The following GRIN2A variants were observed in gnomAD, a reference collection of about 807,000 sequenced individuals.
GRIN2A encodes glutamate ionotropic receptor NMDA type subunit 2A.
A neutral mutation model predicts 113.4 loss-of-function variants in GRIN2A; 22 were observed. That is an observed-to-expected ratio of 0.19 (90% CI 0.14 to 0.28). The LOEUF (loss-of-function observed/expected upper bound fraction) is 0.28. Among genes scored for constraint, GRIN2A ranks in the 10% least tolerant of loss-of-function variants. The pLI, the probability that GRIN2A is intolerant of heterozygous loss-of-function variation, is 1.00. For synonymous variants in GRIN2A, 827 were observed against 738.4 expected, an observed-to-expected ratio of 1.12 and a Z score of -1.94; for missense variants, 1,502 against 1,887.0, an observed-to-expected ratio of 0.80 and a Z score of 3.78.
intron 2 of GRIN2A, among the ~76,000 whole-genome samples, chr16:10,159,559 T>A (rs1410380455): frequency 1.3e-5 from 2 of 152,134 alleles, no homozygotes; most frequent in Non-Finnish European, 2.9e-5. Context: ...TCATCATCAA[T>A]GAGGCTGGAG....
chr16:9,814,012 T>A (rs2042139963), intron 10 of GRIN2A, among the ~76,000 whole-genome samples: 1 of 152,206 alleles, frequency 6.6e-6, no homozygotes, highest in Non-Finnish European at 1.5e-5. Flanking sequence ...AAATTTGCTC[T>A]GCAGAGCAAC....
At chr16:10,102,054 G>A (rs546498837) in intron 2 of GRIN2A, among the ~76,000 whole-genome samples, 2 of 152,310 alleles carry the variant, frequency 1.3e-5, no homozygotes, top group South Asian at 4.1e-4. Context: ...TACAGAATCA[G>A]CTCATCTAAT....
chr16:9,839,228 T>C (rs2042632397), intron 7 of GRIN2A, among the ~76,000 whole-genome samples: 3 of 152,166 alleles, frequency 2.0e-5, no homozygotes, highest in Admixed American at 6.5e-5. Flanking sequence ...TCATTTATGA[T>C]AACCAAACAG....
At chr16:10,055,103 A>G (rs1335722244) in intron 2 of GRIN2A, among the ~76,000 whole-genome samples, 27 of 86,694 alleles carry the variant, frequency 3.1e-4, no homozygotes, top group Non-Finnish European at 5.3e-4. Flanking sequence ...GAAAGAAAGA[A>G]AGAAAAAAGA....
intron 2 of GRIN2A, among the ~76,000 whole-genome samples, chr16:9,984,538 G>C (rs141781955): frequency 6.6e-6 from 1 of 152,302 alleles, no homozygotes; most frequent in East Asian, 1.9e-4. Flanking sequence ...TATGGTGAGA[G>C]ATAGATGCCT....
At chr16:10,175,232 T>C (rs925181810) in intron 2 of GRIN2A, among the ~76,000 whole-genome samples, 8 of 152,180 alleles carry the variant, frequency 5.3e-5, no homozygotes, top group African/African-American at 1.9e-4. Flanking sequence ...TCTCAGAACG[T>C]GTCCCACCAT....
At position 9,902,471 on chromosome 16, in the gene GRIN2A, C is replaced by T. The variant is rs566767888; in HGVS notation, c.1008-11371G>A. Among the ~76,000 whole-genome samples, 8 of 152,336 alleles carry T rather than the reference C, an allele frequency of 5.3e-5. No homozygotes were observed. The South Asian group carries it at 1.7e-3, about 32-fold the overall frequency. On this transcript the variant is annotated intron_variant, in intron 3 of 12. Coordinates refer to ENST00000330684, the MANE Select transcript of GRIN2A (RefSeq NM_001134407.3). ...TGTGGAATACCACACCAGCCCTAGA[C>T]AACCTTTGCACAAGAAAGAATTCAA...
At chr16:9,778,970 T>C (rs1203692107) in intron 11 of GRIN2A, among the ~76,000 whole-genome samples, 1 of 152,180 alleles carries the variant, frequency 6.6e-6, no homozygotes, top group Non-Finnish European at 1.5e-5. Context: ...TACTTACACA[T>C]CCTGGGCAGG....
rs147220652 is a variant in GRIN2A at position 10,157,751 on chromosome 16, C to G, written c.414+22247G>C. ...TCTTCAACACTTGGGGATTGCAATTCGAGATGAGATTTGGATGAGGACACA... is the reference window on the plus strand; with the variant it reads ...TCTTCAACACTTGGGGATTGCAATTGGAGATGAGATTTGGATGAGGACACA... On this transcript the variant is annotated intron_variant, in intron 2 of 12. Coordinates refer to ENST00000330684, the MANE Select transcript of GRIN2A (RefSeq NM_001134407.3). Among the ~76,000 whole-genome samples, 811 of 152,176 alleles carry G rather than the reference C, an allele frequency of 5.3e-3. 4 individuals are homozygous for G. The highest frequency in any genetic ancestry group is 0.02 in the Middle Eastern group (6 of 294).
intron 10 of GRIN2A, among the ~76,000 whole-genome samples, chr16:9,807,249 AG>A (rs2041991026): frequency 3.0e-5 from 1 of 33,072 alleles, no homozygotes; most frequent in Admixed American, 2.9e-4. Context: ...AGAGGGAGGG[AG>A]GGGAGAGAGG....
intron 2 of GRIN2A, among the ~76,000 whole-genome samples, chr16:10,104,506 G>A (rs942904333): frequency 7.2e-5 from 11 of 152,286 alleles, no homozygotes; most frequent in Middle Eastern, 3.4e-3. Context: ...ATTCCCCTCT[G>A]CTTCTGGCTT....
Position 9,938,244 on chromosome 16 carries a change from C to A in GRIN2A, c.722G>T (p.Ser241Ile). 1 of 1,614,130 alleles carries A rather than the reference C, an allele frequency of 6.2e-7. No homozygotes were observed. The highest frequency in any genetic ancestry group is 8.5e-7 in the Non-Finnish European group (1 of 1,179,986). The change falls in exon 3 of 13, where the codon AGT becomes ATT. Residue 241 changes from serine to isoleucine, a missense_variant. By Grantham distance (142) the Ser-to-Ile change is moderately radical. Transcript: ENST00000330684. ...GGTGAGGCCAAGGGAGCGGGCCTCACTCAGAATGAGAACAGCCTCGTCTTT... is the reference window on the plus strand; with the variant it reads ...GGTGAGGCCAAGGGAGCGGGCCTCAATCAGAATGAGAACAGCCTCGTCTTT... ...CSKDEAVLIL[S>I]EARSLGLTGY...
At chr16:9,801,896 G>T (rs1343431951) in intron 10 of GRIN2A, among the ~76,000 whole-genome samples, 1 of 152,184 alleles carries the variant, frequency 6.6e-6, no homozygotes, top group Non-Finnish European at 1.5e-5. Context: ...AGGGCCACAT[G>T]AACTGGTTTC....
At chr16:9,987,148 G>C (rs781008262) in intron 2 of GRIN2A, among the ~76,000 whole-genome samples, 19 of 152,168 alleles carry the variant, frequency 1.2e-4, no homozygotes, top group Non-Finnish European at 2.1e-4. Context: ...ATGGCTGTTT[G>C]TTATTGCAGA....
intron 2 of GRIN2A, among the ~76,000 whole-genome samples, chr16:9,993,089 G>A (rs561215060): frequency 2.1e-4 from 32 of 151,910 alleles, no homozygotes; most frequent in Non-Finnish European, 4.4e-4. Context: ...AATTAGCCAG[G>A]TATGGTGGTG....
intron 3 of GRIN2A, among the ~76,000 whole-genome samples, chr16:9,917,117 T>G (rs1304435925): frequency 6.6e-6 from 1 of 152,226 alleles, no homozygotes; most frequent in Non-Finnish European, 1.5e-5. Context: ...CTCCGGCTCT[T>G]TTCATATCTG....
intron 3 of GRIN2A, among the ~76,000 whole-genome samples, chr16:9,898,055 T>C (rs981689837): frequency 7.4e-5 from 2 of 26,958 alleles, no homozygotes; most frequent in Admixed American, 6.4e-4. Flanking sequence ...CTCCATTTCC[T>C]TTTTTTTTTT....
At chr16:9,814,455 G>A (rs2042149009) in intron 10 of GRIN2A, among the ~76,000 whole-genome samples, 1 of 152,186 alleles carries the variant, frequency 6.6e-6, no homozygotes, top group African/African-American at 2.4e-5. Context: ...AAGTGCTCAG[G>A]TCTGTAGCTC....
chr16:10,105,466 A>C (rs1396048422), intron 2 of GRIN2A, among the ~76,000 whole-genome samples: 4 of 150,062 alleles, frequency 2.7e-5, no homozygotes, highest in African/African-American at 9.8e-5. Flanking sequence ...AGAAACTACA[A>C]ATTTTCAAAC....
Sources: gnomAD v4.1 joint callset for allele counts (sites outside exome capture counted in the v4.1 genomes callset) on GRCh38, gnomAD v4.1.1 for gene constraint, MANE v1.5 for transcripts, NCBI Gene and HGNC (gene_info 2026-07-23, HGNC 2026-07-21) for gene names.